The following DEPDC5 variants were observed in gnomAD, a reference collection of about 807,000 sequenced individuals.
The protein encoded by DEPDC5 is DEP domain containing 5, GATOR1 subcomplex subunit, also known as GATOR1 complex protein DEPDC5.
In DEPDC5, 73 loss-of-function variants were observed where a neutral mutation model predicts 217.3. That is an observed-to-expected ratio of 0.34 (90% confidence interval 0.28 to 0.41). The LOEUF is 0.41. Among genes scored for constraint, DEPDC5 ranks in the 10% least tolerant of loss-of-function variants. DEPDC5 has a pLI of 1.00. For synonymous variants in DEPDC5, 733 were observed against 756.7 expected (o/e 0.97, Z 0.51); for missense variants, 1,675 against 2,070.1 (o/e 0.81, Z 3.70).
intron 10 of DEPDC5, among the ~76,000 whole-genome samples, chr22:31,786,055 G>T (rs2084949959): frequency 6.6e-6 from 1 of 151,954 alleles, no homozygotes; most frequent in African/African-American, 2.4e-5. Flanking sequence ...TCAGGAGTTT[G>T]AGACCAGTCT....
intron 31 of DEPDC5, 21 bp from the exon 32 acceptor site, chr22:31,857,424 A>AT: frequency 6.3e-7 from 1 of 1,577,734 alleles, no homozygotes; most frequent in Middle Eastern, 1.7e-4. Flanking sequence ...AGCTGCTGTC[A>AT]TGTGCTTTTC....
At position 31,838,323 on chromosome 22, in the gene DEPDC5, TC is replaced by T. The variant is rs2091171568; in HGVS notation, c.2355-361del. ...TTTTCTCTATCTCTTTTATATACTG[TC>T]ATCCAGGCTGAAGTGCAGTGATGCA... On this transcript the variant is annotated intron_variant, in intron 26 of 42. Transcript: ENST00000651528. 3.3e-5 allele frequency among the ~76,000 whole-genome samples: 5 copies of T among 152,270 alleles called. No individual in the cohort carries two copies. The South Asian group carries it at 1.0e-3, about 32-fold the overall frequency.
Position 31,821,642 on chromosome 22 carries a change from G to A in DEPDC5, c.2006+5G>A. On this transcript the variant is annotated splice_donor_5th_base_variant and intron_variant, in intron 23 of 42. Transcript: ENST00000651528. ...ATATCATGAAGCTGCTGGAAGGTGA[G>A]GATGTGCACAGGGCTCTGGAAGGTA... 1.2e-6 allele frequency: 2 copies of A among 1,612,348 alleles called. No homozygotes were observed. Among genetic ancestry groups the A allele is most frequent in the Non-Finnish European group, 1.7e-6 (2 of 1,178,484 alleles).
chr22:31,770,532 C>G (rs948319601), intron 7 of DEPDC5, among the ~76,000 whole-genome samples: 3 of 151,064 alleles, frequency 2.0e-5, no homozygotes, highest in East Asian at 2.0e-4. Context: ...AGTTACCCAC[C>G]ACCACACGTA....
chr22:31,758,494 CAG>C (rs750951577), intron 2 of DEPDC5, 50 bp from the exon 3 acceptor site: 1 of 1,514,904 alleles, frequency 6.6e-7, no homozygotes, highest in Admixed American at 1.7e-5. Context: ...TGAGAACATA[CAG>C]TGTACCTAAT....
At chr22:31,815,771 T>A in intron 21 of DEPDC5, 1 of 1,215,534 alleles carries the variant, frequency 8.2e-7, no homozygotes. Flanking sequence ...ACTCGAGGGA[T>A]CCACCCATTG....
chr22:31,882,957 G>T lies in DEPDC5; in HGVS notation c.4033+3205G>T, dbSNP rs150694013. ...CTTTTCTTGAAAGTGTTCAACGAAA[G>T]GAATTATTCTAATGTGAATCTTCTC... On this transcript the variant is annotated intron_variant, in intron 38 of 42. Coordinates refer to ENST00000651528, the MANE Select transcript of DEPDC5 (RefSeq NM_001242896.3). 3.9e-5 allele frequency among the ~76,000 whole-genome samples: 6 copies of T among 152,256 alleles called. No individual in the cohort carries two copies. The East Asian group carries it at 1.2e-3, about 29-fold the overall frequency.
intron 41 of DEPDC5, among the ~76,000 whole-genome samples, chr22:31,905,578 G>C (rs1022200700): frequency 6.6e-6 from 1 of 152,078 alleles, no homozygotes; most frequent in Non-Finnish European, 1.5e-5. Flanking sequence ...ATTCCAGTGA[G>C]AGGCCCAGGA....
chr22:31,754,739 C>T (rs2075173530), intron 1 of DEPDC5, 123 bp from the exon 2 acceptor site: 3 of 636,756 alleles, frequency 4.7e-6, no homozygotes, highest in Non-Finnish European at 8.2e-6. Flanking sequence ...TGACTTCTTC[C>T]GAGAGTCACT....
At position 31,821,619 on chromosome 22, in the gene DEPDC5, A is replaced by G; in HGVS notation, c.1988A>G (p.Tyr663Cys). 5 of 1,613,730 alleles carry G rather than the reference A, an allele frequency of 3.1e-6. No homozygotes were observed. The highest frequency in any genetic ancestry group is 1.7e-4 in the Middle Eastern group (1 of 6,058). Residue 663 changes from tyrosine to cysteine, a missense_variant, in exon 23 of 43, where the codon TAT becomes TGT. This residue lies in a region of DEPDC5 where 136 missense variants were observed against 132.2 expected (regional missense o/e 1.03). Coordinates refer to ENST00000651528, the MANE Select transcript of DEPDC5 (RefSeq NM_001242896.3). ...HSSAELLELAYHEAAGRHSNS... is the reference protein window; with the variant it reads ...HSSAELLELACHEAAGRHSNS... ...TCTGCAGAGCTGCTGGAGTTAGCAT[A>G]TCATGAAGCTGCTGGAAGGTGAGGA... is the stretch of plus-strand genomic sequence containing the variant.
chr22:31,807,909 G>C (rs12159673), intron 18 of DEPDC5, among the ~76,000 whole-genome samples: 3 of 151,862 alleles, frequency 2.0e-5, no homozygotes, highest in Non-Finnish European at 4.4e-5. Context: ...CTTTTTTTAG[G>C]GGGGAGGGCT....
intron 18 of DEPDC5, among the ~76,000 whole-genome samples, chr22:31,807,756 G>A (rs1263668413): frequency 6.6e-6 from 1 of 152,152 alleles, no homozygotes; most frequent in Non-Finnish European, 1.5e-5. Context: ...TGGTTTTGAT[G>A]TACTGTGAGA....
chr22:31,867,262 A>T (rs2092714368), intron 33 of DEPDC5, among the ~76,000 whole-genome samples: 1 of 152,186 alleles, frequency 6.6e-6, no homozygotes, highest in African/African-American at 2.4e-5. Context: ...AAATAAAAAC[A>T]TGACTAGATG....
At chr22:31,897,455 ATTG>A in intron 39 of DEPDC5, 24 bp from the exon 40 acceptor site, 1 of 1,579,806 alleles carries the variant, frequency 6.3e-7, no homozygotes, top group Non-Finnish European at 8.6e-7. Flanking sequence ...TGGAGATGAT[ATTG>A]TTTGTTTCTG....
intron 25 of DEPDC5, among the ~76,000 whole-genome samples, chr22:31,834,961 T>A (rs1790701909): frequency 6.6e-6 from 1 of 152,244 alleles, no homozygotes; most frequent in African/African-American, 2.4e-5. Flanking sequence ...TTTGGATGGC[T>A]TTCTGCTTTT....
intron 7 of DEPDC5, among the ~76,000 whole-genome samples, chr22:31,771,169 A>T: frequency 6.6e-6 from 1 of 152,254 alleles, no homozygotes; most frequent in African/African-American, 2.4e-5. Flanking sequence ...TGATTTTTTA[A>T]TTAAGTCATC....
intron 17 of DEPDC5, 79 bp downstream of exon 17, chr22:31,804,994 T>C: frequency 7.3e-7 from 1 of 1,369,246 alleles, no homozygotes. Context: ...ATCTGTTAAG[T>C]TCTTATTATG....
At chr22:31,894,324 A>G (rs953883679) in intron 39 of DEPDC5, 1 of 150,988 alleles carries the variant, frequency 6.6e-6, no homozygotes, top group African/African-American at 2.4e-5. Context: ...CATTTTTTCT[A>G]TCACCTATGT....
chr22:31,903,971 C>T (rs117851892), intron 41 of DEPDC5, among the ~76,000 whole-genome samples: 2,012 of 152,188 alleles, frequency 0.013, 22 homozygotes, highest in Non-Finnish European at 0.022. Flanking sequence ...TAGGGTGGAG[C>T]TTTAAGTGCA....
Sources: allele counts gnomAD v4.1 joint callset (sites outside exome capture counted in the v4.1 genomes callset), GRCh38; gene constraint gnomAD v4.1.1; regional missense constraint gnomAD v4.1.1; transcripts MANE v1.5; gene names NCBI Gene and HGNC (gene_info 2026-07-23, HGNC 2026-07-21).